Variants in AKT1 observed in about 807,000 individuals in gnomAD.
AKT1 encodes RAC-alpha serine/threonine-protein kinase.
Under a neutral mutation model 63.1 loss-of-function variants are expected in AKT1, and 21 were observed. The ratio of observed to expected loss-of-function variants is 0.33; its 90% CI spans 0.24 to 0.48. The LOEUF (loss-of-function observed/expected upper bound fraction) is 0.48, where lower values mean the gene tolerates loss of function less well. Ranked by LOEUF, AKT1 falls within the 20% of genes least tolerant of loss-of-function variation. The pLI, the probability that AKT1 is intolerant of heterozygous loss-of-function variation, is 0.99. For synonymous variants in AKT1, 257 were observed against 253.1 expected, an observed-to-expected ratio of 1.02 and a Z score of -0.15; for missense variants, 382 against 666.0, an observed-to-expected ratio of 0.57 and a Z score of 4.69.
intron 4 of AKT1, chr14:104,777,724 TG>T (rs1418340029): frequency 3.3e-5 from 33 of 985,248 alleles, no homozygotes; most frequent in Admixed American, 6.2e-5. Context: ...GAGGGGCCAG[TG>T]GGGGGCCTCT....
chr14:104,784,063 GC>G (rs909216881), intron 3 of AKT1, among the ~76,000 whole-genome samples: 12 of 152,248 alleles, frequency 7.9e-5, no homozygotes, highest in Admixed American at 7.8e-4. Flanking sequence ...CCACCCTCCT[GC>G]CCCATGGCCG....
rs1232438206 is a variant in AKT1 at position 104,770,250 on chromosome 14, C to T, written c.*91G>A. On this transcript the variant is annotated 3_prime_UTR_variant, in exon 15 of 15. Transcript: ENST00000649815. ...GACAGCGTGGCTTCTCTCAAATGCA[C>T]CCGAGAAATAAAAACCATTAAATAC... 4 of 1,400,904 alleles carry T rather than the reference C, an allele frequency of 2.9e-6. No individual in the cohort carries two copies. The highest frequency in any genetic ancestry group is 3.9e-6 in the Non-Finnish European group (4 of 1,022,610). 86.8% of individuals were successfully genotyped at this position (1,400,904 alleles called of 1,614,324 possible). A position where few individuals can be genotyped will look rare whatever the true frequency, so the allele number is the denominator to read the frequency against.
At chr14:104,784,728 G>A (rs369277554) in intron 3 of AKT1, among the ~76,000 whole-genome samples, 16 of 147,470 alleles carry the variant, frequency 1.1e-4, no homozygotes, top group African/African-American at 3.2e-4. Flanking sequence ...CCTCACACAC[G>A]TGTCCCAGGC....
chr14:104,772,139 G>A (rs1892422417), intron 13 of AKT1: 3 of 596,914 alleles, frequency 5.0e-6, no homozygotes, highest in Non-Finnish European at 9.0e-6. Flanking sequence ...GAGGGGAGGA[G>A]GAAATGAGGA....
Position 104,792,728 on chromosome 14 carries a change from A to G in AKT1, c.-79-6T>C, listed in dbSNP as rs1893692927. ...AGCTGGCCTGGCCACAGCCTCTGGG[A>G]GAAGCAAAGGAAGCTGAATGTGAGG... On this transcript the variant is annotated splice_region_variant and splice_polypyrimidine_tract_variant and intron_variant, in intron 2 of 14. Coordinates refer to ENST00000649815, the MANE Select transcript of AKT1 (RefSeq NM_001382430.1). 1 of 1,539,840 alleles carries G rather than the reference A, an allele frequency of 6.5e-7. No homozygotes were observed. The highest frequency in any genetic ancestry group is 1.4e-5 in the African/African-American group (1 of 73,716).
intron 12 of AKT1, 94 bp downstream of exon 12, chr14:104,772,784 T>C: frequency 7.6e-7 from 1 of 1,320,350 alleles, no homozygotes; most frequent in Non-Finnish European, 1.0e-6. Context: ...CAGTGTAGTC[T>C]GGGAGGTGCC....
rs930647354 is a variant in AKT1 at position 104,773,651 on chromosome 14, TTC to T, written c.703-73_703-72del. On this transcript the variant is annotated intron_variant, in intron 9 of 14. Transcript: ENST00000649815. ...CCCCCATGGCCTGCAGGGCTGGGGT[TTC>T]TCAGACCGGGTCTCGGCATTGCACA... The T allele has an allele frequency of 3.9e-6, 6 of 1,542,410 alleles. No homozygotes were observed. The Admixed American group carries it at 5.9e-5, about 15-fold the overall frequency.
At position 104,795,621 on chromosome 14, in the gene AKT1, G is replaced by C. The variant is rs1177558897; in HGVS notation, c.-395C>G. 6.9e-6 allele frequency: 1 copy of C among 145,446 alleles called. No homozygotes were observed. The highest frequency in any genetic ancestry group is 3.3e-3 in the Middle Eastern group (1 of 306). 9.0% of individuals were successfully genotyped at this position (145,446 alleles called of 1,614,324 possible). On this transcript the variant is annotated 5_prime_UTR_variant, in exon 1 of 15. Transcript: ENST00000649815. The surrounding 1 kb of genome is among the most constrained non-coding windows in gnomAD (Gnocchi z 5.1). The stretch of plus-strand genomic sequence containing the variant: ...GCGGGCGGGGGCGCTGCTCGGGGCC[G>C]GGCCTCGCGTGCCGCCGCCGCTCGG...
chr14:104,784,297 G>A (rs745631303), intron 3 of AKT1, among the ~76,000 whole-genome samples: 3 of 152,274 alleles, frequency 2.0e-5, no homozygotes, highest in South Asian at 2.1e-4. Context: ...GATGAAACCC[G>A]TAACCCTCCC....
chr14:104,779,749 AC>A (rs1245790221), intron 4 of AKT1, among the ~76,000 whole-genome samples: 2 of 141,652 alleles, frequency 1.4e-5, no homozygotes, highest in Non-Finnish European at 3.0e-5. Flanking sequence ...CGGACCAGAG[AC>A]CCCCGCCCAG....
At chr14:104,794,952 C>T (rs1021567553) in intron 1 of AKT1, 3 of 152,292 alleles carry the variant, frequency 2.0e-5, no homozygotes, top group Non-Finnish European at 4.4e-5. Flanking sequence ...GAAGCAGTTC[C>T]GGGGCCCAGG....
intron 3 of AKT1, among the ~76,000 whole-genome samples, chr14:104,792,278 C>T: frequency 6.6e-6 from 1 of 152,212 alleles, no homozygotes; most frequent in South Asian, 2.1e-4. Context: ...GTGCCAGACC[C>T]TGGAACAGCC....
chr14:104,790,133 GC>G (rs1893548440), intron 3 of AKT1, among the ~76,000 whole-genome samples: 1 of 152,224 alleles, frequency 6.6e-6, no homozygotes, highest in Non-Finnish European at 1.5e-5. Context: ...CGTGTGGCCA[GC>G]CCAAGTAGCC....
At chr14:104,792,856 C>T (rs547727015) in intron 2 of AKT1, 134 bp from the exon 3 acceptor site, 5 of 619,932 alleles carry the variant, frequency 8.1e-6, no homozygotes, top group African/African-American at 3.7e-5. Context: ...GGGCTGCCAT[C>T]CCTCTAAGCT....
intron 3 of AKT1, among the ~76,000 whole-genome samples, chr14:104,788,888 C>G (rs1173335846): frequency 6.6e-6 from 1 of 152,188 alleles, no homozygotes; most frequent in Non-Finnish European, 1.5e-5. Flanking sequence ...ATGGCAAGGA[C>G]TCAGATGTCC....
In AKT1 at chr14:104,773,302, G is replaced by A. The variant is rs746001369; in HGVS notation, c.906C>T (p.Asp302=). Residue 302 remains aspartate, a synonymous_variant, in exon 11 of 15, where the codon GAC becomes GAT. Transcript: ENST00000649815. ...DFGLCKEGIK[D]GATMKTFCGT... ...CGCAAAAGGTCTTCATGGTGGCACC[G>A]TCCTTGATCCCCTCCTTGCACAGCC... 75 of 1,614,092 alleles carry A rather than the reference G, an allele frequency of 4.6e-5. No individual in the cohort carries two copies. Among genetic ancestry groups the A allele is most frequent in the Admixed American group, 3.0e-4 (18 of 60,012 alleles).
intron 4 of AKT1, chr14:104,777,990 A>G (rs535768320): frequency 1.9e-4 from 27 of 142,082 alleles, no homozygotes; most frequent in African/African-American, 7.3e-4. Flanking sequence ...CTGCCCCGGA[A>G]CCGTTCCCCG....
intron 3 of AKT1, among the ~76,000 whole-genome samples, chr14:104,786,663 T>G (rs2140984650): frequency 6.6e-6 from 1 of 152,328 alleles, no homozygotes; most frequent in East Asian, 1.9e-4. Context: ...ACCATCTTGT[T>G]TCTGCCCCAA....
intron 3 of AKT1, among the ~76,000 whole-genome samples, chr14:104,789,935 C>A (rs1031867748): frequency 2.0e-5 from 3 of 152,202 alleles, no homozygotes; most frequent in African/African-American, 4.8e-5. Flanking sequence ...CCTGAAGCTC[C>A]TCTGACTCAG....
Sources: gnomAD v4.1 joint callset for allele counts (sites outside exome capture counted in the v4.1 genomes callset) on GRCh38, gnomAD v4.1.1 for gene constraint, Gnocchi (gnomAD v3.1) non-coding constraint, MANE v1.5 for transcripts, NCBI Gene and HGNC (gene_info 2026-07-23, HGNC 2026-07-21) for gene names.